The following PLSCR4 variants were observed in gnomAD, a reference collection of about 807,000 sequenced individuals.
PLSCR4 encodes the protein phospholipid scramblase 4, also known as Ca(2+)-dependent phospholipid scramblase 4.
Under a neutral mutation model 36.3 loss-of-function variants are expected in PLSCR4, and 25 were observed. The observed-to-expected ratio is 0.69, with a 90% CI of 0.50 to 0.96. The LOEUF is 0.96. PLSCR4 is among the 40% of genes least tolerant of loss of function. The pLI, the probability that PLSCR4 is intolerant of heterozygous loss-of-function variation, is 0.00. For synonymous variants in PLSCR4, 122 were observed against 132.9 expected, an observed-to-expected ratio of 0.92 and a Z score of 0.56; for missense variants, 408 against 414.7, an observed-to-expected ratio of 0.98 and a Z score of 0.14.
At chr3:146,249,347 T>G (rs1360114711) in intron 1 of PLSCR4, among the ~76,000 whole-genome samples, 4 of 152,100 alleles carry the variant, frequency 2.6e-5, no homozygotes, top group Non-Finnish European at 5.9e-5. Flanking sequence ...GTTCCAGTTT[T>G]ATTATTAGGT....
chr3:146,236,625 A>C (rs188767722), intron 1 of PLSCR4, among the ~76,000 whole-genome samples: 133 of 152,260 alleles, frequency 8.7e-4, no homozygotes, highest in Admixed American at 3.1e-3. Flanking sequence ...TTGGCCTGCC[A>C]CCATCCACAT....
Position 146,196,632 on chromosome 3 carries a change from C to T in PLSCR4, c.786G>A (p.Glu262=). The T allele has an allele frequency of 6.2e-7, 1 of 1,613,434 alleles. No homozygotes were observed. Residue 262 remains glutamate (E), a splice_region_variant and synonymous_variant, in exon 7 of 9, where the codon GAG becomes GAA. Transcript: ENST00000354952. ...AAACACTATTTTTACATAGTTTCAC[C>T]TCAAAAACAGAATCTGAACCACAGC... The part of the protein sequence containing the change: ...TYGCGSDSVF[E]VKSLDGISNI...
intron 2 of PLSCR4, among the ~76,000 whole-genome samples, chr3:146,221,726 G>A (rs2035151179): frequency 2.0e-5 from 3 of 152,138 alleles, no homozygotes; most frequent in Admixed American, 2.0e-4. Context: ...GCAGGACCTT[G>A]CCACAGGCTC....
At chr3:146,244,223 CACA>C (rs1165822140) in intron 1 of PLSCR4, among the ~76,000 whole-genome samples, 1 of 152,108 alleles carries the variant, frequency 6.6e-6, no homozygotes, top group East Asian at 1.9e-4. Flanking sequence ...ACGTTTCATA[CACA>C]ACATTATCAA....
At chr3:146,222,666 G>A (rs1005492546) in intron 1 of PLSCR4, among the ~76,000 whole-genome samples, 4 of 152,200 alleles carry the variant, frequency 2.6e-5, no homozygotes, top group African/African-American at 7.2e-5. Flanking sequence ...ACTGAGGTAA[G>A]ACATGCAGAT....
chr3:146,195,189 T>C lies in PLSCR4; in HGVS notation c.880A>G (p.Ile294Val). ...SAMADADHFDIHFPLDLDVKM... is the reference protein window; with the variant it reads ...SAMADADHFDVHFPLDLDVKM... ...ACATCCAGGTCTAGTGGGAAGTGAA[T>C]GTCAAAATGGTCAGCATCTGCCATT... The change falls in exon 8 of 9, where the codon ATT becomes GTT. Residue 294 changes from isoleucine (I) to valine (V), a missense_variant. Transcript: ENST00000354952. 2.5e-6 allele frequency: 4 copies of C among 1,613,852 alleles called. No homozygotes were observed. Among genetic ancestry groups the C allele is most frequent in the Non-Finnish European group, 3.4e-6 (4 of 1,179,776 alleles).
intron 1 of PLSCR4, among the ~76,000 whole-genome samples, chr3:146,246,575 A>G (rs2036347225): frequency 6.6e-6 from 1 of 152,092 alleles, no homozygotes. Context: ...TTAGCTTTCA[A>G]AAGGGAAATG....
In PLSCR4 at chr3:146,206,736, T is replaced by C; in HGVS notation, c.144A>G (p.Pro48=). 1 of 1,598,546 alleles carries C rather than the reference T, an allele frequency of 6.3e-7. No homozygotes were observed. Among genetic ancestry groups the C allele is most frequent in the Admixed American group, 1.8e-5 (1 of 56,878 alleles). The change falls in exon 4 of 9, where the codon CCA becomes CCG. Residue 48 remains proline, a synonymous_variant. Coordinates refer to ENST00000354952, the MANE Select transcript of PLSCR4 (RefSeq NM_020353.3). The part of the protein sequence containing the change: ...LPGPPGTAVP[P]PTGYPGGLPM... ...GCAAGCCTCCTGGGTAGCCAGTAGG[T>C]GGAGGGACAGCTGTTCCAGGGGGTC... is the stretch of plus-strand genomic sequence containing the variant.
chr3:146,216,530 T>C (rs543116233), intron 3 of PLSCR4, among the ~76,000 whole-genome samples: 1 of 152,316 alleles, frequency 6.6e-6, no homozygotes, highest in South Asian at 2.1e-4. Flanking sequence ...AACCTTGTAA[T>C]CTTTACATCA....
At chr3:146,230,618 A>C (rs1297466111) in intron 1 of PLSCR4, among the ~76,000 whole-genome samples, 1 of 152,114 alleles carries the variant, frequency 6.6e-6, no homozygotes, top group Non-Finnish European at 1.5e-5. Flanking sequence ...TGTGTAACAG[A>C]GAGAGCGAGG....
At chr3:146,195,396 T>C (rs1176733077) in intron 7 of PLSCR4, 114 bp from the exon 8 acceptor site, 1 of 867,830 alleles carries the variant, frequency 1.2e-6, no homozygotes, top group African/African-American at 1.7e-5. Flanking sequence ...TATGTAATTA[T>C]ATAATTTGAA....
chr3:146,234,016 A>G (rs2035819246), intron 1 of PLSCR4, among the ~76,000 whole-genome samples: 1 of 152,210 alleles, frequency 6.6e-6, no homozygotes, highest in South Asian at 2.1e-4. Context: ...CCCAAAAAAC[A>G]TAATAGGTCA....
intron 3 of PLSCR4, among the ~76,000 whole-genome samples, chr3:146,213,619 G>A (rs1027392764): frequency 1.8e-4 from 28 of 152,086 alleles, no homozygotes; most frequent in African/African-American, 5.8e-4. Context: ...CACAGCACCC[G>A]GCCAAATTCA....
chr3:146,212,431 T>G (rs2034670753), intron 3 of PLSCR4, among the ~76,000 whole-genome samples: 1 of 34,454 alleles, frequency 2.9e-5, no homozygotes, highest in South Asian at 1.9e-3. Context: ...TGGGTTTTTT[T>G]GTTTTGTTTT....
intron 6 of PLSCR4, among the ~76,000 whole-genome samples, chr3:146,198,072 A>G (rs1053304343): frequency 6.6e-6 from 1 of 152,162 alleles, no homozygotes; most frequent in Non-Finnish European, 1.5e-5. Context: ...AAAAAGACCA[A>G]TCCTGAAAAG....
At chr3:146,203,645 T>C (rs2034163984) in intron 4 of PLSCR4, among the ~76,000 whole-genome samples, 1 of 152,002 alleles carries the variant, frequency 6.6e-6, no homozygotes, top group African/African-American at 2.4e-5. Context: ...CCCTTAAGCC[T>C]TGTGAGCCAA....
chr3:146,216,441 TAAAA>T (rs2108276324), intron 3 of PLSCR4, among the ~76,000 whole-genome samples: 1 of 151,312 alleles, frequency 6.6e-6, no homozygotes, highest in African/African-American at 2.4e-5. Flanking sequence ...TAAAAAAAAA[TAAAA>T]AGAAAGATAA....
chr3:146,211,115 T>C, intron 3 of PLSCR4, among the ~76,000 whole-genome samples: 1 of 152,056 alleles, frequency 6.6e-6, no homozygotes, highest in East Asian at 1.9e-4. Flanking sequence ...ATTTAGTAAC[T>C]CCATTATTAA....
intron 3 of PLSCR4, among the ~76,000 whole-genome samples, chr3:146,209,049 C>CAT (rs939386303): frequency 7.9e-5 from 12 of 151,794 alleles, no homozygotes; most frequent in South Asian, 2.1e-4. Context: ...TGTGGGATTA[C>CAT]ATATATATAT....
Sources: allele counts gnomAD v4.1 joint callset (sites outside exome capture counted in the v4.1 genomes callset), GRCh38; gene constraint gnomAD v4.1.1; transcripts MANE v1.5; gene names NCBI Gene and HGNC (gene_info 2026-07-23, HGNC 2026-07-21).